Variants in RIGI observed in about 807,000 individuals in gnomAD.
RIGI encodes RNA sensor RIG-I, also known as antiviral innate immune response receptor RIG-I.
chr9:32,501,346 ATT>A, the RIGI span, among the ~76,000 whole-genome samples: 3 of 76,130 alleles, frequency 3.9e-5, no homozygotes, highest in Admixed American at 1.4e-4. Flanking sequence ...AAAAAAAAAA[ATT>A]TTTTTAATTA....
At chr9:32,521,417 T>C in the RIGI span, among the ~76,000 whole-genome samples, 3 of 152,154 alleles carry the variant, frequency 2.0e-5, no homozygotes, top group East Asian at 5.8e-4. Context: ...GTTGGGAAAC[T>C]GAGTCGCCTA....
At chr9:32,466,155 T>C in the RIGI span, 10 of 852,032 alleles carry the variant, frequency 1.2e-5, no homozygotes, top group Non-Finnish European at 1.8e-5. Flanking sequence ...ACAGAATGAA[T>C]TTAATATTCA....
chr9:32,497,011 T>C, the RIGI span, among the ~76,000 whole-genome samples: 1 of 152,222 alleles, frequency 6.6e-6, no homozygotes, highest in African/African-American at 2.4e-5. Flanking sequence ...TTCTTCATTA[T>C]CAAAATTTTA....
the RIGI span, among the ~76,000 whole-genome samples, chr9:32,519,775 A>G: frequency 0.015 from 2,256 of 152,300 alleles, 72 homozygotes; most frequent in African/African-American, 0.052. Flanking sequence ...TTAAGATTAA[A>G]TAACATTTAC....
At chr9:32,460,967 A>G in the RIGI span, among the ~76,000 whole-genome samples, 151,497 of 151,870 alleles carry the variant, frequency 1, 75,563 homozygotes, top group Middle Eastern at 1. Context: ...AACAGGATAA[A>G]CCCCTTCAAA....
At chr9:32,499,207 T>C in the RIGI span, among the ~76,000 whole-genome samples, 1 of 143,756 alleles carries the variant, frequency 7.0e-6, no homozygotes. Context: ...TCTATGTATG[T>C]TTTCTTTCTT....
At chr9:32,509,978 A>C in the RIGI span, among the ~76,000 whole-genome samples, 1 of 151,888 alleles carries the variant, frequency 6.6e-6, no homozygotes, top group Non-Finnish European at 1.5e-5. Context: ...AAGCAGAAGA[A>C]AGGATATCAG....
chr9:32,483,704 G>A, the RIGI span, among the ~76,000 whole-genome samples: 11 of 148,720 alleles, frequency 7.4e-5, no homozygotes, highest in South Asian at 1.1e-3. Context: ...TAGTGGTCCT[G>A]CAGCCAAAAT....
At chr9:32,489,255 T>C in the RIGI span, 1 of 864,668 alleles carries the variant, frequency 1.2e-6, no homozygotes, top group Non-Finnish European at 1.8e-6. Flanking sequence ...AGGAAAAAAC[T>C]GAAACTTGCC....
At chr9:32,492,905 C>T in the RIGI span, among the ~76,000 whole-genome samples, 91,685 of 151,978 alleles carry the variant, frequency 0.6, 28,127 homozygotes, top group Middle Eastern at 0.68. Flanking sequence ...ACAAATTTTT[C>T]TTCAGGGTTG....
chr9:32,465,943 C>T, the RIGI span, among the ~76,000 whole-genome samples: 63 of 152,236 alleles, frequency 4.1e-4, no homozygotes, highest in African/African-American at 1.4e-3. Context: ...GCACAGTGAC[C>T]TAGGAGCTTT....
the RIGI span, among the ~76,000 whole-genome samples, chr9:32,500,212 C>T: frequency 2.6e-5 from 4 of 152,222 alleles, no homozygotes; most frequent in South Asian, 2.1e-4. Flanking sequence ...ATTGTTGGGT[C>T]GTAATTCTTC....
chr9:32,522,703 T>C, the RIGI span, among the ~76,000 whole-genome samples: 3 of 152,212 alleles, frequency 2.0e-5, no homozygotes, highest in African/African-American at 7.2e-5. Context: ...TTTTGATTCC[T>C]GGATGGCCAC....
chr9:32,506,171 T>C, the RIGI span, among the ~76,000 whole-genome samples: 4 of 152,142 alleles, frequency 2.6e-5, no homozygotes, highest in South Asian at 2.1e-4. Context: ...TGAGCTGAGA[T>C]TGCGCCACTG....
the RIGI span, among the ~76,000 whole-genome samples, chr9:32,506,272 T>A: frequency 6.6e-6 from 1 of 152,104 alleles, no homozygotes; most frequent in Non-Finnish European, 1.5e-5. Context: ...AAGGAAGGAA[T>A]GAATGTTAAT....
the RIGI span, chr9:32,480,326 T>C: frequency 1.2e-6 from 2 of 1,607,082 alleles, no homozygotes; most frequent in South Asian, 2.2e-5. Context: ...TCGTGCATGC[T>C]CACTGATAAT....
chr9:32,467,728 A>G, the RIGI span: 13 of 1,527,148 alleles, frequency 8.5e-6, no homozygotes, highest in Non-Finnish European at 1.2e-5. Flanking sequence ...TCAAAACAGA[A>G]TCCATGTAGG....
the RIGI span, among the ~76,000 whole-genome samples, chr9:32,494,997 T>C: frequency 6.6e-6 from 1 of 152,158 alleles, no homozygotes; most frequent in Non-Finnish European, 1.5e-5. Context: ...GATGTGCAAA[T>C]ATCTCATCAA....
the RIGI span, chr9:32,526,042 C>A: frequency 1.3e-6 from 2 of 1,585,952 alleles, no homozygotes; most frequent in Non-Finnish European, 1.7e-6. Flanking sequence ...GCCGAGAAGG[C>A]GCCGCTGGAG....
Sources: gnomAD v4.1 joint callset for allele counts (sites outside exome capture counted in the v4.1 genomes callset) on GRCh38, gnomAD v4.1.1 for gene constraint, MANE v1.5 for transcripts, NCBI Gene and HGNC (gene_info 2026-07-23, HGNC 2026-07-21) for gene names.